Variants in SLC14A2 observed in about 807,000 individuals in gnomAD.
SLC14A2 encodes solute carrier family 14 member 2.
SLC14A2 carries 91 observed loss-of-function variants against 104.6 expected under a neutral mutation model. The ratio of observed to expected loss-of-function variants is 0.87; its 90% CI spans 0.73 to 1.04. The LOEUF (loss-of-function observed/expected upper bound fraction) is 1.04. Ranked by LOEUF, SLC14A2 falls within the 50% of genes least tolerant of loss-of-function variation. The pLI is 0.00. For missense variants in SLC14A2, 1,189 were observed against 1,156.0 expected (o/e 1.03, Z -0.41); for synonymous variants, 476 against 466.4 (o/e 1.02, Z -0.27).
rs942514595 is a variant in SLC14A2, at chr18:45,294,632, T to C, written c.-125+81441T>C. On this transcript the variant is annotated intron_variant, in intron 1 of 20. Transcript: ENST00000586448. ...CTATGTTGTCTTCTGCAGAGGAGTT[T>C]TGCAAATGTTAATAGGTATAACTTG... Among the ~76,000 whole-genome samples, 76 of 152,228 alleles carry C rather than the reference T, an allele frequency of 5.0e-4. 1 individual carries two copies. The highest frequency in any genetic ancestry group is 1.7e-3 in the African/African-American group (71 of 41,464).
intron 1 of SLC14A2, among the ~76,000 whole-genome samples, chr18:45,275,896 G>GCTAA (rs2084697325): frequency 6.6e-6 from 1 of 152,206 alleles, no homozygotes; most frequent in Admixed American, 6.5e-5. Flanking sequence ...ATTGAGAAAT[G>GCTAA]CTAAGAAGAA....
intron 2 of SLC14A2, among the ~76,000 whole-genome samples, chr18:45,517,879 T>C (rs1243464207): frequency 1.3e-5 from 2 of 152,178 alleles, no homozygotes; most frequent in Non-Finnish European, 2.9e-5. Flanking sequence ...AGAGAACAAT[T>C]AGAAAACAAA....
chr18:45,668,531 C>A (rs1746432915), intron 15 of SLC14A2, 54 bp downstream of exon 15: 2 of 1,597,994 alleles, frequency 1.3e-6, no homozygotes, highest in East Asian at 2.2e-5. Context: ...CCAACCTTTT[C>A]ATCCCAATCC....
At chr18:45,609,729 A>G (rs2044939528) in intron 2 of SLC14A2, among the ~76,000 whole-genome samples, 1 of 152,214 alleles carries the variant, frequency 6.6e-6, no homozygotes, top group Admixed American at 6.5e-5. Flanking sequence ...CTATTTCAGT[A>G]ACTGAGCAAG....
At chr18:45,416,457 G>A (rs764722965) in intron 1 of SLC14A2, among the ~76,000 whole-genome samples, 3 of 152,032 alleles carry the variant, frequency 2.0e-5, no homozygotes, top group Non-Finnish European at 4.4e-5. Context: ...ATAATTGGTC[G>A]TGGCCTTTTA....
chr18:45,497,306 A>G (rs1287570032), intron 2 of SLC14A2, among the ~76,000 whole-genome samples: 2 of 152,212 alleles, frequency 1.3e-5, no homozygotes, highest in Admixed American at 1.3e-4. Context: ...ACAACCGTGT[A>G]TTGATCCCCT....
intron 19 of SLC14A2, among the ~76,000 whole-genome samples, chr18:45,682,087 T>C (rs1390779359): frequency 6.6e-6 from 1 of 152,220 alleles, no homozygotes; most frequent in Non-Finnish European, 1.5e-5. Context: ...TAAGGGCATA[T>C]TAGCCCAACT....
chr18:45,475,553 C>T (rs1454104901), intron 1 of SLC14A2, among the ~76,000 whole-genome samples: 1 of 138,286 alleles, frequency 7.2e-6, no homozygotes, highest in Non-Finnish European at 1.5e-5. Context: ...GTATTGGGTG[C>T]ATATATTTAG....
intron 18 of SLC14A2, among the ~76,000 whole-genome samples, chr18:45,676,551 A>T (rs894557655): frequency 6.6e-6 from 1 of 151,804 alleles, no homozygotes; most frequent in African/African-American, 2.4e-5. Flanking sequence ...TTCCCCAGGA[A>T]CATTTGGCAA....
chr18:45,285,134 T>A (rs1268135135), intron 1 of SLC14A2, among the ~76,000 whole-genome samples: 1 of 152,216 alleles, frequency 6.6e-6, no homozygotes, highest in Non-Finnish European at 1.5e-5. Flanking sequence ...TCAGAAGGTT[T>A]ATTTTAAATG....
intron 1 of SLC14A2, among the ~76,000 whole-genome samples, chr18:45,287,620 G>T (rs1460432295): frequency 1.3e-5 from 2 of 152,214 alleles, no homozygotes; most frequent in Non-Finnish European, 2.9e-5. Flanking sequence ...AGGCCACAGA[G>T]TGGGCATGAA....
At chr18:45,615,098 T>C (rs1469321189), upstream of SLC14A2, 1 of 152,202 alleles carries the variant, frequency 6.6e-6, no homozygotes, top group African/African-American at 2.4e-5. Context: ...CACCCGGCCA[T>C]TTGCTTTTGA....
the SLC14A2 span, among the ~76,000 whole-genome samples, chr18:45,203,083 C>G: frequency 6.6e-6 from 1 of 152,166 alleles, no homozygotes; most frequent in South Asian, 2.1e-4. Flanking sequence ...TCACATATCA[C>G]TTGGCCATTG....
chr18:45,264,061 C>T (rs2084566955), intron 1 of SLC14A2, among the ~76,000 whole-genome samples: 1 of 152,050 alleles, frequency 6.6e-6, no homozygotes, highest in South Asian at 2.1e-4. Flanking sequence ...TCTATCTATC[C>T]ATCTATCTCT....
At chr18:45,272,222 T>C (rs534323321) in intron 1 of SLC14A2, among the ~76,000 whole-genome samples, 1 of 152,060 alleles carries the variant, frequency 6.6e-6, no homozygotes, top group Admixed American at 6.6e-5. Flanking sequence ...TACCATATCA[T>C]CCAGCAATCC....
chr18:45,521,207 G>A (rs1230026458), intron 2 of SLC14A2, among the ~76,000 whole-genome samples: 2 of 152,218 alleles, frequency 1.3e-5, no homozygotes, highest in Non-Finnish European at 2.9e-5. Flanking sequence ...TTGATGATGG[G>A]CTTTGCTTCT....
intron 1 of SLC14A2, among the ~76,000 whole-genome samples, chr18:45,474,809 T>C (rs907853908): frequency 6.6e-6 from 1 of 152,214 alleles, no homozygotes; most frequent in African/African-American, 2.4e-5. Flanking sequence ...TCTATTTTGT[T>C]AATCTTTTCA....
intron 1 of SLC14A2, among the ~76,000 whole-genome samples, chr18:45,415,284 T>A (rs1486006466): frequency 1.3e-5 from 2 of 152,144 alleles, no homozygotes; most frequent in African/African-American, 2.4e-5. Flanking sequence ...TGTGTTTCTA[T>A]CCTCATTCTC....
intron 2 of SLC14A2, among the ~76,000 whole-genome samples, chr18:45,501,593 T>C (rs1353970504): frequency 6.6e-6 from 1 of 152,168 alleles, no homozygotes; most frequent in Admixed American, 6.5e-5. Flanking sequence ...CTGGCAAAGA[T>C]GCAGAAGAGC....
Sources: allele counts gnomAD v4.1 joint callset (sites outside exome capture counted in the v4.1 genomes callset), GRCh38; gene constraint gnomAD v4.1.1; transcripts MANE v1.5; gene names NCBI Gene and HGNC (gene_info 2026-07-23, HGNC 2026-07-21).